SLC6A18: variants seen among roughly 807,000 people sequenced by gnomAD.
SLC6A18 encodes solute carrier family 6 member 18, also known as inactive sodium-dependent neutral amino acid transporter B(0)AT3.
In SLC6A18, 58 loss-of-function variants were observed where a neutral mutation model predicts 62.9. That is an observed-to-expected ratio of 0.92 (90% CI 0.75 to 1.15). The LOEUF is 1.15. SLC6A18 is among the 50% of genes most tolerant of loss of function. The pLI is 0.00. For missense variants in SLC6A18, 793 were observed against 836.6 expected, an observed-to-expected ratio of 0.95 and a Z score of 0.64; for synonymous variants, 382 against 365.8, an observed-to-expected ratio of 1.04 and a Z score of -0.51.
At chr5:1,240,694 A>G in intron 7 of SLC6A18, 35 bp downstream of exon 7, 1 of 1,610,324 alleles carries the variant, frequency 6.2e-7, no homozygotes, top group Non-Finnish European at 8.5e-7. Flanking sequence ...TCTGTGGGGC[A>G]CAGCCGCCAG....
At chr5:1,238,288 T>G (rs1305797352) in intron 5 of SLC6A18, among the ~76,000 whole-genome samples, 1 of 122,202 alleles carries the variant, frequency 8.2e-6, no homozygotes, top group African/African-American at 3.0e-5. Flanking sequence ...AGAGGTCAGG[T>G]TTGGAGTGGG....
chr5:1,229,391 G>A (rs755900547), intron 1 of SLC6A18, among the ~76,000 whole-genome samples: 29 of 152,188 alleles, frequency 1.9e-4, no homozygotes, highest in Admixed American at 4.6e-4. Flanking sequence ...GTCACAGAGA[G>A]CTCACTTCTC....
rs576124776 is a variant in SLC6A18, at chr5:1,244,591, C to A, written c.1497-17C>A. On this transcript the variant is annotated splice_polypyrimidine_tract_variant and intron_variant, in intron 10 of 11. Coordinates refer to ENST00000324642, the MANE Select transcript of SLC6A18 (RefSeq NM_182632.3). ...TTCCACAGACCATGTGAAGCCTGAG[C>A]CCAGCATCTGGTGCAGGTTCTGCGA... 4.0e-5 allele frequency: 64 copies of A among 1,580,708 alleles called. 1 individual carries two copies. The South Asian group carries it at 5.8e-4, about 14-fold the overall frequency.
intron 3 of SLC6A18, among the ~76,000 whole-genome samples, chr5:1,234,097 T>A (rs1302377872): frequency 6.6e-6 from 1 of 152,112 alleles, no homozygotes; most frequent in Non-Finnish European, 1.5e-5. Flanking sequence ...TTGCCCAGGA[T>A]GATCTTGAAC....
intron 3 of SLC6A18, among the ~76,000 whole-genome samples, chr5:1,233,953 G>T (rs1343920284): frequency 6.6e-6 from 1 of 152,122 alleles, no homozygotes; most frequent in South Asian, 2.1e-4. Context: ...ATGTTAGCCA[G>T]GATGGTCTCG....
At position 1,246,091 on chromosome 5, in the gene SLC6A18, CG is replaced by C; in HGVS notation, c.*17del. On this transcript the variant is annotated 3_prime_UTR_variant, in exon 12 of 12. Transcript: ENST00000324642. Reference sequence around the variant, plus strand: ...GGACATGCGCTGAAGCCGGCCGGAGCGGGGCCTGCATGGGCGGGTCTGTGGG... The same window carrying C: ...GGACATGCGCTGAAGCCGGCCGGAGCGGGCCTGCATGGGCGGGTCTGTGGG... The C allele has an allele frequency of 6.7e-7, 1 of 1,487,350 alleles. No homozygotes were observed. Among genetic ancestry groups the C allele is most frequent in the Non-Finnish European group, 8.9e-7 (1 of 1,117,352 alleles). 92.1% of individuals were successfully genotyped at this position (1,487,350 alleles called of 1,614,324 possible).
At position 1,237,312 on chromosome 5, in the gene SLC6A18, G is replaced by A. The variant is rs34879726; in HGVS notation, c.622-638G>A. On this transcript the variant is annotated intron_variant, in intron 4 of 11. Coordinates refer to ENST00000324642, the MANE Select transcript of SLC6A18 (RefSeq NM_182632.3). ...CAGTCTGTATTGGGGGAACTGAGGA[G>A]AGGAGTGAGAGAGGAGTGTCCATTT... Among the ~76,000 whole-genome samples the A allele has an allele frequency of 6.2e-3, 940 of 151,706 alleles. 3 individuals carry two copies. Among genetic ancestry groups the A allele is most frequent in the Non-Finnish European group, 8.4e-3 (573 of 67,938 alleles).
chr5:1,244,930 G>A (rs1352404541), intron 11 of SLC6A18, among the ~76,000 whole-genome samples, 163 bp downstream of exon 11: 2 of 139,716 alleles, frequency 1.4e-5, no homozygotes, highest in Non-Finnish European at 3.1e-5. Flanking sequence ...AGCCAGGGAT[G>A]TGAACAGGAT....
chr5:1,239,987 C>T (rs896890396), intron 6 of SLC6A18, among the ~76,000 whole-genome samples: 5 of 152,204 alleles, frequency 3.3e-5, no homozygotes, highest in Admixed American at 1.3e-4. Flanking sequence ...CTGAAACAAG[C>T]CTTATTTCCC....
intron 4 of SLC6A18, among the ~76,000 whole-genome samples, chr5:1,236,261 C>T (rs956303560): frequency 6.6e-6 from 1 of 152,194 alleles, no homozygotes; most frequent in African/African-American, 2.4e-5. Context: ...GTCTACATCT[C>T]TAGCCTGTCA....
chr5:1,238,097 C>T (rs1746932592), intron 5 of SLC6A18, 37 bp downstream of exon 5: 1 of 1,502,362 alleles, frequency 6.7e-7, no homozygotes, highest in African/African-American at 1.4e-5. Context: ...GGGCCTCCAG[C>T]ACACACATTT....
At chr5:1,227,495 A>G (rs572086958) in intron 1 of SLC6A18, among the ~76,000 whole-genome samples, 2 of 152,378 alleles carry the variant, frequency 1.3e-5, no homozygotes, top group Admixed American at 1.3e-4. Context: ...CTGTGTGTGA[A>G]CATGCCCTTC....
rs776252759 is a variant in SLC6A18, at chr5:1,243,632, C to T, written c.1209C>T (p.Ala403=). The T allele has an allele frequency of 5.0e-6, 8 of 1,614,102 alleles. No individual in the cohort carries two copies. The highest frequency in any genetic ancestry group is 6.8e-6 in the Non-Finnish European group (8 of 1,180,012). The change falls in exon 9 of 12, where the codon GCC becomes GCT. Residue 403 remains alanine (A), a synonymous_variant. Transcript: ENST00000324642. The surrounding 1 kb of genome is among the most constrained non-coding windows in gnomAD (Gnocchi z 6.5). Reference sequence around the variant, plus strand: ...ACATGCCGGGGGCTCCTGTGTGGGCCATGCTCTTCTTCGGGATGCTGTTCA... The same window carrying T: ...ACATGCCGGGGGCTCCTGTGTGGGCTATGCTCTTCTTCGGGATGCTGTTCA... ...DLHMPGAPVW[A]MLFFGMLFTL...
At chr5:1,233,963 G>A (rs1035836392) in intron 3 of SLC6A18, among the ~76,000 whole-genome samples, 7 of 152,152 alleles carry the variant, frequency 4.6e-5, no homozygotes, top group South Asian at 2.1e-4. Context: ...GGATGGTCTC[G>A]ATCTCCTGAC....
At position 1,245,882 on chromosome 5, in the gene SLC6A18, C is replaced by T. The variant is rs75499032; in HGVS notation, c.1691C>T (p.Pro564Leu). The T allele has an allele frequency of 3.1e-6, 5 of 1,608,300 alleles. No homozygotes were observed. Among genetic ancestry groups the T allele is most frequent in the Non-Finnish European group, 4.2e-6 (5 of 1,179,152 alleles). ...LFPSRQEKLY[P>L]GWARAACVLL... Reference sequence around the variant, plus strand: ...CCCTCGCGTCAGGAGAAGCTCTACCCGGGCTGGGCGCGCGCCGCCTGTGTG... The same window carrying T: ...CCCTCGCGTCAGGAGAAGCTCTACCTGGGCTGGGCGCGCGCCGCCTGTGTG... Residue 564 changes from proline (P) to leucine (L), a missense_variant, in exon 12 of 12, where the codon CCG becomes CTG. Physicochemically the swap from Pro to Leu is moderately conservative, Grantham distance 98. Transcript: ENST00000324642.
chr5:1,232,979 G>A, intron 3 of SLC6A18, 91 bp downstream of exon 3: 1 of 1,511,788 alleles, frequency 6.6e-7, no homozygotes, highest in Non-Finnish European at 8.9e-7. Context: ...GCTGCGGGTG[G>A]CGGATGCTCA....
chr5:1,237,843 A>G (rs1746924212), intron 4 of SLC6A18, 107 bp from the exon 5 acceptor site: 2 of 827,318 alleles, frequency 2.4e-6, no homozygotes, highest in South Asian at 3.2e-5. Context: ...TACCAGAGGC[A>G]GCCACTCTGA....
At chr5:1,240,751 C>T (rs1561179885) in intron 7 of SLC6A18, 92 bp downstream of exon 7, 30 of 1,548,784 alleles carry the variant, frequency 1.9e-5, no homozygotes, top group Admixed American at 7.2e-5. Context: ...GGAAGGGTGG[C>T]GTGGGCACAT....
At position 1,239,723 on chromosome 5, in the gene SLC6A18, G is replaced by A. The variant is rs150166018; in HGVS notation, c.845+161G>A. ...GGGCCCTCACGGCAGCTCCCAGCACGTCCGGAGCTGGCTGCAGGAAGACAG... is the reference window on the plus strand; with the variant it reads ...GGGCCCTCACGGCAGCTCCCAGCACATCCGGAGCTGGCTGCAGGAAGACAG... On this transcript the variant is annotated intron_variant, in intron 6 of 11. Transcript: ENST00000324642. Among the ~76,000 whole-genome samples the A allele has an allele frequency of 4.6e-5, 7 of 152,248 alleles. No homozygotes were observed. In the East Asian group the frequency reaches 7.7e-4, roughly 17 times the overall value.
Sources: gnomAD v4.1 joint callset for allele counts (sites outside exome capture counted in the v4.1 genomes callset) on GRCh38, gnomAD v4.1.1 for gene constraint, Gnocchi (gnomAD v3.1) non-coding constraint, MANE v1.5 for transcripts, NCBI Gene and HGNC (gene_info 2026-07-23, HGNC 2026-07-21) for gene names.